Variants in MRTFB observed in about 807,000 individuals in gnomAD.
The protein encoded by MRTFB is myocardin-related transcription factor B.
In MRTFB, 29 loss-of-function variants were observed where a neutral mutation model predicts 104.2. The ratio of observed to expected loss-of-function variants is 0.28; its 90% confidence interval spans 0.21 to 0.38. MRTFB has a LOEUF of 0.38. Ranked by LOEUF, MRTFB falls within the 10% of genes least tolerant of loss-of-function variation. The pLI is 1.00. For synonymous variants in MRTFB, 535 were observed against 519.5 expected, an observed-to-expected ratio of 1.03 and a Z score of -0.41; for missense variants, 1,270 against 1,341.6, an observed-to-expected ratio of 0.95 and a Z score of 0.83.
intron 2 of MRTFB, among the ~76,000 whole-genome samples, chr16:14,092,134 A>G (rs1342193061): frequency 6.6e-6 from 1 of 152,076 alleles, no homozygotes; most frequent in Non-Finnish European, 1.5e-5. Flanking sequence ...AGATCAGCTT[A>G]GTACCACACT....
chr16:14,208,555 C>A (rs2041050999), intron 3 of MRTFB, among the ~76,000 whole-genome samples: 1 of 152,158 alleles, frequency 6.6e-6, no homozygotes, highest in South Asian at 2.1e-4. Context: ...GAAGTATCAA[C>A]CTTTGATCTG....
chr16:14,246,735 A>G lies in MRTFB; in HGVS notation c.1475A>G (p.Asn492Ser), dbSNP rs376891654. ...KAELPPTGTS[N>S]ATRVENVHSP... ...GAATTGCCACCTACAGGAACCAGCA[A>G]CGCAACCCGTGTGGAAAATGTTCAT... Residue 492 changes from asparagine to serine, a missense_variant, in exon 12 of 17, where the codon AAC becomes AGC. This residue lies in a region of MRTFB where 1,144 missense variants were observed against 1,131.5 expected (regional missense o/e 1.01). Transcript: ENST00000571589. 36 of 1,614,184 alleles carry G rather than the reference A, an allele frequency of 2.2e-5. No individual in the cohort carries two copies. In the Admixed American group the frequency reaches 3.3e-4, roughly 15 times the overall value.
At chr16:14,201,204 C>G (rs1213940204) in intron 3 of MRTFB, among the ~76,000 whole-genome samples, 1 of 152,134 alleles carries the variant, frequency 6.6e-6, no homozygotes. Context: ...AAGATTTATT[C>G]TGTGGTGTAG....
intron 3 of MRTFB, among the ~76,000 whole-genome samples, chr16:14,156,433 A>C (rs774674987): frequency 2.0e-5 from 3 of 152,220 alleles, no homozygotes; most frequent in Non-Finnish European, 4.4e-5. Context: ...TGATCAGTGG[A>C]TGAACGAAAT....
intron 2 of MRTFB, among the ~76,000 whole-genome samples, chr16:14,127,665 G>A: frequency 6.7e-6 from 1 of 148,284 alleles, no homozygotes; most frequent in Non-Finnish European, 1.5e-5. Flanking sequence ...AAAAAATAAT[G>A]ACGAAAATCC....
intron 8 of MRTFB, among the ~76,000 whole-genome samples, chr16:14,227,780 G>A (rs1442747065): frequency 1.3e-5 from 2 of 152,102 alleles, no homozygotes; most frequent in African/African-American, 4.8e-5. Flanking sequence ...AAAGTGCTGG[G>A]ATTACAGGAG....
intron 1 of MRTFB, among the ~76,000 whole-genome samples, chr16:14,077,305 T>C (rs1236951675): frequency 6.6e-6 from 1 of 152,220 alleles, no homozygotes; most frequent in Non-Finnish European, 1.5e-5. Flanking sequence ...ATTCAACTTT[T>C]CCTTTTTCCA....
intron 16 of MRTFB, among the ~76,000 whole-genome samples, chr16:14,260,230 A>G (rs1344953539): frequency 2.0e-5 from 3 of 152,222 alleles, no homozygotes; most frequent in Admixed American, 1.3e-4. Context: ...ACCTTAAAAG[A>G]AAAGGATCAA....
rs138862815 is a variant in MRTFB, at chr16:14,157,879, A to T, written c.154+17119A>T. Among the ~76,000 whole-genome samples the T allele has an allele frequency of 1.1e-3, 166 of 151,222 alleles. 2 individuals are homozygous for T. The East Asian group carries it at 0.028, about 25-fold the overall frequency. ...CAATGTATAATTTGTACTTTAGAAT[A>T]TATCATATTCTATTTTTATCAAATG... On this transcript the variant is annotated intron_variant, in intron 3 of 16. Coordinates refer to ENST00000571589, the MANE Select transcript of MRTFB (RefSeq NM_001308142.2).
the MRTFB span, among the ~76,000 whole-genome samples, chr16:14,063,480 A>G: frequency 6.6e-6 from 1 of 152,272 alleles, no homozygotes; most frequent in South Asian, 2.1e-4. Context: ...TCCAATAGGT[A>G]GTTTTTTGAT....
the MRTFB span, among the ~76,000 whole-genome samples, chr16:14,060,883 A>AGG: frequency 2.0e-5 from 3 of 152,116 alleles, no homozygotes; most frequent in Non-Finnish European, 4.4e-5. Flanking sequence ...GCGGTGGCTC[A>AGG]CGCCTGTAAT....
chr16:14,101,660 C>T (rs2035708448), intron 2 of MRTFB, among the ~76,000 whole-genome samples: 1 of 152,052 alleles, frequency 6.6e-6, no homozygotes, highest in African/African-American at 2.4e-5. Context: ...GCAAGTGTTG[C>T]TGACAAGATT....
intron 8 of MRTFB, 66 bp from the exon 9 acceptor site, chr16:14,234,080 T>C (rs2042389249): frequency 6.4e-7 from 1 of 1,572,092 alleles, no homozygotes; most frequent in Non-Finnish European, 8.7e-7. Context: ...TCCCTTGTAA[T>C]TCTAATTTTT....
chr16:14,244,009 C>G (rs1196724309), intron 10 of MRTFB, among the ~76,000 whole-genome samples: 3 of 152,140 alleles, frequency 2.0e-5, no homozygotes, highest in Non-Finnish European at 4.4e-5. Flanking sequence ...TCCCGAGTAG[C>G]TGGGGCTACA....
At chr16:14,258,057 G>C (rs1251916995) in intron 15 of MRTFB, 44 bp from the exon 16 acceptor site, 1 of 1,534,154 alleles carries the variant, frequency 6.5e-7, no homozygotes, top group South Asian at 1.1e-5. Context: ...AATGCTTCCA[G>C]GTTTGTATGA....
intron 2 of MRTFB, among the ~76,000 whole-genome samples, chr16:14,127,763 C>A (rs996009991): frequency 1.3e-5 from 2 of 151,112 alleles, no homozygotes; most frequent in South Asian, 2.1e-4. Flanking sequence ...TTTCCTCTTT[C>A]TCCAGGGTGT....
chr16:14,251,919 C>G lies in MRTFB; in HGVS notation c.2461C>G (p.Pro821Ala). Residue 821 changes from proline to alanine, a missense_variant, in exon 14 of 17, where the codon CCA (proline) becomes GCA (alanine). By Grantham distance (27) the Pro-to-Ala change is conservative. This residue lies in a region of MRTFB where 1,144 missense variants were observed against 1,131.5 expected (regional missense o/e 1.01). Coordinates refer to ENST00000571589, the MANE Select transcript of MRTFB (RefSeq NM_001308142.2). ...TCTTCCATATCAGAGACATCCTGCC[C>G]CAGCTGTCCAGCAGCCCTTTATCAA... is the stretch of plus-strand genomic sequence containing the variant. ...TVLPYQRHPA[P>A]AVQQPFINKA... The G allele has an allele frequency of 6.2e-7, 1 of 1,614,208 alleles. No homozygotes were observed. The highest frequency in any genetic ancestry group is 1.3e-5 in the African/African-American group (1 of 75,052).
At chr16:14,087,044 T>C (rs77477083) in intron 2 of MRTFB, among the ~76,000 whole-genome samples, 4,585 of 152,194 alleles carry the variant, frequency 0.03, 249 homozygotes, top group African/African-American at 0.1. Flanking sequence ...TTTGTAGCAG[T>C]AGAATATTCA....
At chr16:14,095,643 A>C (rs1258273444) in intron 2 of MRTFB, among the ~76,000 whole-genome samples, 1 of 152,212 alleles carries the variant, frequency 6.6e-6, no homozygotes, top group Non-Finnish European at 1.5e-5. Flanking sequence ...TTAAAAGTAA[A>C]TACTGGAAAT....
Sources: gnomAD v4.1 joint callset for allele counts (sites outside exome capture counted in the v4.1 genomes callset) on GRCh38, gnomAD v4.1.1 for gene constraint, gnomAD v4.1.1 regional missense constraint, MANE v1.5 for transcripts, NCBI Gene and HGNC (gene_info 2026-07-23, HGNC 2026-07-21) for gene names.